NFATC3: variants seen among roughly 807,000 people sequenced by gnomAD.
NFATC3 encodes nuclear factor of activated T-cells, cytoplasmic 3.
Under a neutral mutation model 98.6 loss-of-function variants are expected in NFATC3, and 46 were observed. The observed-to-expected ratio is 0.47, with a 90% CI of 0.37 to 0.60. The LOEUF (loss-of-function observed/expected upper bound fraction) is 0.60. Ranked by LOEUF, NFATC3 falls within the 20% of genes least tolerant of loss-of-function variation. NFATC3 has a pLI of 0.00. For synonymous variants in NFATC3, 512 were observed against 472.2 expected (o/e 1.08, Z -1.09); for missense variants, 1,256 against 1,295.5 (o/e 0.97, Z 0.47).
chr16:68,210,829 A>G (rs2041355992), intron 9 of NFATC3, among the ~76,000 whole-genome samples: 1 of 151,710 alleles, frequency 6.6e-6, no homozygotes, highest in East Asian at 1.9e-4. Context: ...TCGCTCAGGC[A>G]GGAATGCAGT....
intron 1 of NFATC3, among the ~76,000 whole-genome samples, chr16:68,119,114 G>T (rs1222593601): frequency 6.6e-6 from 1 of 152,062 alleles, no homozygotes; most frequent in African/African-American, 2.4e-5. Context: ...TGATCCACCC[G>T]CCTCGGCCTC....
Position 68,191,289 on chromosome 16 carries a change from C to T in NFATC3, c.2620C>T (p.His874Tyr). 1 of 1,614,210 alleles carries T rather than the reference C, an allele frequency of 6.2e-7. No individual in the cohort carries two copies. Among genetic ancestry groups the T allele is most frequent in the Non-Finnish European group, 8.5e-7 (1 of 1,180,036 alleles). Reference sequence around the variant, plus strand: ...CTTAGCCCATACACCTCATTCTGTGCATACCCTGCCTCATCTGCAATCAAT... The same window carrying T: ...CTTAGCCCATACACCTCATTCTGTGTATACCCTGCCTCATCTGCAATCAAT... ...HLLAHTPHSV[H>Y]TLPHLQSMGY... Residue 874 changes from histidine to tyrosine, a missense_variant, in exon 9 of 10, where the codon CAT becomes TAT. Transcript: ENST00000346183.
At position 68,122,440 on chromosome 16, in the gene NFATC3, C is replaced by T. The variant is rs1226571378; in HGVS notation, c.557C>T (p.Ser186Leu). The change falls in exon 2 of 10, where the codon TCA (serine) becomes TTA (leucine). Residue 186 changes from serine to leucine, a missense_variant. Ser to Leu is a moderately radical substitution (Grantham distance 145). This residue lies in a region of NFATC3 where 464 missense variants were observed against 465.7 expected (regional missense o/e 1.00). Transcript: ENST00000346183. ...GATGCATCTTCTTGTGAATCGCTTT[C>T]ACATATTTATGATGATGTGGACTCA... ...FSDASSCESL[S>L]HIYDDVDSEL... The T allele has an allele frequency of 1.2e-6, 2 of 1,614,142 alleles. No individual in the cohort carries two copies. The highest frequency in any genetic ancestry group is 8.5e-7 in the Non-Finnish European group (1 of 1,180,038).
intron 9 of NFATC3, among the ~76,000 whole-genome samples, chr16:68,204,220 C>T (rs1205011236): frequency 6.7e-6 from 1 of 148,810 alleles, no homozygotes; most frequent in Admixed American, 6.7e-5. Flanking sequence ...AAATTAGCCA[C>T]GCATGGTGGT....
intron 6 of NFATC3, among the ~76,000 whole-genome samples, chr16:68,179,519 GCATT>G (rs1328685583): frequency 6.6e-6 from 1 of 152,196 alleles, no homozygotes; most frequent in Non-Finnish European, 1.5e-5. Flanking sequence ...AACCTGGAAA[GCATT>G]TGATGAAATA....
intron 1 of NFATC3, among the ~76,000 whole-genome samples, chr16:68,120,436 G>A (rs779864492): frequency 3.3e-4 from 50 of 151,836 alleles, no homozygotes; most frequent in Non-Finnish European, 5.3e-4. Context: ...AAAATTAGCC[G>A]AGTGTCATGG....
intron 9 of NFATC3, chr16:68,218,116 G>A: frequency 1.2e-6 from 1 of 819,924 alleles, no homozygotes; most frequent in Non-Finnish European, 1.5e-6. Flanking sequence ...CTGGAGTGCA[G>A]TGGTGCACGA....
At chr16:68,156,742 C>A (rs926983225) in intron 3 of NFATC3, among the ~76,000 whole-genome samples, 2 of 152,072 alleles carry the variant, frequency 1.3e-5, no homozygotes, top group African/African-American at 2.4e-5. Context: ...GAGTTCAGAT[C>A]GCCCTGGCCA....
chr16:68,104,265 C>T (rs2035524000), intron 1 of NFATC3, among the ~76,000 whole-genome samples: 1 of 151,906 alleles, frequency 6.6e-6, no homozygotes, highest in Non-Finnish European at 1.5e-5. Flanking sequence ...AAATTTATTC[C>T]TGAGTATTAT....
chr16:68,153,178 C>A (rs2038429083), intron 3 of NFATC3, among the ~76,000 whole-genome samples: 2 of 151,936 alleles, frequency 1.3e-5, no homozygotes, highest in Admixed American at 1.3e-4. Flanking sequence ...AGGTGGATCA[C>A]CTGAGGCCAG....
intron 9 of NFATC3, among the ~76,000 whole-genome samples, chr16:68,203,526 G>A (rs1355036351): frequency 6.6e-6 from 1 of 152,118 alleles, no homozygotes; most frequent in East Asian, 1.9e-4. Context: ...CCAGCTACTC[G>A]AGAGGCTGAG....
In NFATC3 at chr16:68,226,725, T is replaced by G. The variant is rs1038143707; in HGVS notation, c.*254T>G. On this transcript the variant is annotated 3_prime_UTR_variant, in exon 10 of 10. Coordinates refer to ENST00000346183, the MANE Select transcript of NFATC3 (RefSeq NM_173165.3). ...AACTAGGATACTTTTATATGATGGGTGCTTTGAGTGTGAATGCAGCAGGCT... is the reference window on the plus strand; with the variant it reads ...AACTAGGATACTTTTATATGATGGGGGCTTTGAGTGTGAATGCAGCAGGCT... 3.4e-6 allele frequency: 1 copy of G among 289,892 alleles called. No individual in the cohort carries two copies. The highest frequency in any genetic ancestry group is 2.2e-5 in the African/African-American group (1 of 45,552). The allele number at this position is 289,892 out of a possible 1,614,324, so 18.0% of individuals were successfully genotyped here.
At chr16:68,220,040 C>T (rs1383918055) in intron 9 of NFATC3, among the ~76,000 whole-genome samples, 1 of 152,202 alleles carries the variant, frequency 6.6e-6, no homozygotes, top group African/African-American at 2.4e-5. Flanking sequence ...TTACAGCAAA[C>T]ATTATTGATA....
At chr16:68,164,662 G>A (rs1005849885) in intron 4 of NFATC3, among the ~76,000 whole-genome samples, 2 of 151,796 alleles carry the variant, frequency 1.3e-5, no homozygotes, top group East Asian at 1.9e-4. Context: ...GGCGGATCAC[G>A]AGATCAGGAG....
In NFATC3 at chr16:68,213,549, C is replaced by T. The variant is rs544570508; in HGVS notation, c.3107-12801C>T. ...TTAGTTTAAAAAATACTCCTCCAGG[C>T]GGGCATGGTGGCTTACGCCTGTAAT... On this transcript the variant is annotated intron_variant, in intron 9 of 9. Coordinates refer to ENST00000346183, the MANE Select transcript of NFATC3 (RefSeq NM_173165.3). 6.6e-5 allele frequency among the ~76,000 whole-genome samples: 10 copies of T among 152,214 alleles called. No homozygotes were observed. In the East Asian group the frequency reaches 7.7e-4, roughly 12 times the overall value.
intron 5 of NFATC3, among the ~76,000 whole-genome samples, chr16:68,168,545 G>A (rs896923979): frequency 1.3e-5 from 2 of 151,008 alleles, no homozygotes; most frequent in Non-Finnish European, 2.9e-5. Context: ...GAGTGCAATG[G>A]CACGATCTTG....
rs563462692 is a variant in NFATC3, at chr16:68,204,223, A to T, written c.3106+12448A>T. 8.3e-4 allele frequency among the ~76,000 whole-genome samples: 124 copies of T among 149,934 alleles called. 4 individuals are homozygous for T. In the South Asian group the frequency reaches 0.025, roughly 30 times the overall value. ...AGAAAATAGTGAAAATTAGCCACGC[A>T]TGGTGGTGAACGCCTGTAATTTCAG... On this transcript the variant is annotated intron_variant, in intron 9 of 9. Coordinates refer to ENST00000346183, the MANE Select transcript of NFATC3 (RefSeq NM_173165.3).
At chr16:68,218,612 C>T (rs529177109) in intron 9 of NFATC3, among the ~76,000 whole-genome samples, 21 of 146,280 alleles carry the variant, frequency 1.4e-4, no homozygotes, top group Middle Eastern at 3.9e-3. Context: ...CTCACTCTGT[C>T]ACCCAGGCTG....
chr16:68,092,330 G>A (rs1467511624), intron 1 of NFATC3, among the ~76,000 whole-genome samples: 5 of 151,260 alleles, frequency 3.3e-5, no homozygotes, highest in Admixed American at 2.0e-4. Flanking sequence ...GGTGGCGGGC[G>A]CTGTAATCCC....
Sources: gnomAD v4.1 joint callset for allele counts (sites outside exome capture counted in the v4.1 genomes callset) on GRCh38, gnomAD v4.1.1 for gene constraint, gnomAD v4.1.1 regional missense constraint, MANE v1.5 for transcripts, NCBI Gene and HGNC (gene_info 2026-07-23, HGNC 2026-07-21) for gene names.